The following GPC6 variants were observed in gnomAD, a reference collection of about 807,000 sequenced individuals.
The protein encoded by GPC6 is glypican 6.
Under a neutral mutation model 55.2 loss-of-function variants are expected in GPC6, and 14 were observed. The observed-to-expected ratio is 0.25, with a 90% CI of 0.17 to 0.40. GPC6 has a LOEUF of 0.40. Ranked by LOEUF, GPC6 falls within the 10% of genes least tolerant of loss-of-function variation. The pLI is 1.00. For missense variants in GPC6, 641 were observed against 708.5 expected, an observed-to-expected ratio of 0.90 and a Z score of 1.08; for synonymous variants, 278 against 259.6, an observed-to-expected ratio of 1.07 and a Z score of -0.68.
chr13:93,873,758 A>G (rs1008567210), intron 3 of GPC6, among the ~76,000 whole-genome samples: 3 of 151,938 alleles, frequency 2.0e-5, no homozygotes, highest in African/African-American at 4.8e-5. Flanking sequence ...TCAGATTTCA[A>G]CCCTTCATGA....
At chr13:93,621,169 C>A (rs1389235611) in intron 2 of GPC6, among the ~76,000 whole-genome samples, 1 of 151,902 alleles carries the variant, frequency 6.6e-6, no homozygotes, top group Non-Finnish European at 1.5e-5. Context: ...ACTCAAGAGC[C>A]AGGTTGCCAG....
chr13:93,246,875 A>G (rs1282544776), intron 1 of GPC6, among the ~76,000 whole-genome samples: 1 of 148,094 alleles, frequency 6.8e-6, no homozygotes, highest in Non-Finnish European at 1.5e-5. Context: ...TTTTTCCTGG[A>G]AAAAAAAAAT....
Position 94,027,778 on chromosome 13 carries a change from G to C in GPC6, c.761G>C (p.Cys254Ser). ...CGTGCCCTCATGAAGATGCTGTACT[G>C]CCCATACTGTCGGGGGCTTCCCACT... The part of the protein sequence containing the change: ...CIRALMKMLY[C>S]PYCRGLPTVR... Residue 254 changes from cysteine (C) to serine (S), a missense_variant, in exon 4 of 9, where the codon TGC (cysteine) becomes TCC (serine). Coordinates refer to ENST00000377047, the MANE Select transcript of GPC6 (RefSeq NM_005708.5). 3 of 1,614,000 alleles carry C rather than the reference G, an allele frequency of 1.9e-6. No individual in the cohort carries two copies. The highest frequency in any genetic ancestry group is 2.5e-6 in the Non-Finnish European group (3 of 1,179,970).
At chr13:93,338,966 A>T (rs1335287249) in intron 1 of GPC6, among the ~76,000 whole-genome samples, 1 of 152,170 alleles carries the variant, frequency 6.6e-6, no homozygotes, top group African/African-American at 2.4e-5. Context: ...GCTGTTTTTT[A>T]GAGCTTAAAA....
chr13:94,196,524 C>G (rs904843558), intron 4 of GPC6, among the ~76,000 whole-genome samples: 7 of 152,182 alleles, frequency 4.6e-5, no homozygotes, highest in African/African-American at 1.7e-4. Context: ...TTCAGACTCT[C>G]AACACTGACC....
At chr13:94,002,285 T>C (rs1026794302) in intron 3 of GPC6, among the ~76,000 whole-genome samples, 1 of 152,110 alleles carries the variant, frequency 6.6e-6, no homozygotes, top group Non-Finnish European at 1.5e-5. Flanking sequence ...TGCTGCCGTG[T>C]CGGTCAATAC....
intron 1 of GPC6, among the ~76,000 whole-genome samples, chr13:93,393,863 C>T (rs1320023658): frequency 9.3e-6 from 1 of 107,316 alleles, no homozygotes; most frequent in Non-Finnish European, 2.5e-5. Context: ...AGAAAGTCAA[C>T]ATTAATTTTT....
intron 2 of GPC6, among the ~76,000 whole-genome samples, chr13:93,647,815 C>G (rs563283047): frequency 6.6e-6 from 1 of 152,308 alleles, no homozygotes; most frequent in South Asian, 2.1e-4. Flanking sequence ...GGACCCATAG[C>G]CTGGCTCTCT....
At chr13:93,678,011 C>T (rs1405082220) in intron 2 of GPC6, among the ~76,000 whole-genome samples, 1 of 152,118 alleles carries the variant, frequency 6.6e-6, no homozygotes, top group Non-Finnish European at 1.5e-5. Flanking sequence ...ATCTTTCCCA[C>T]CTATGGTCAA....
intron 3 of GPC6, among the ~76,000 whole-genome samples, chr13:93,866,511 A>G (rs1275929150): frequency 6.6e-6 from 1 of 151,866 alleles, no homozygotes; most frequent in African/African-American, 2.4e-5. Context: ...AACATGGTAC[A>G]TATATACCAT....
chr13:94,118,765 T>G (rs1331324463), intron 4 of GPC6, among the ~76,000 whole-genome samples: 2 of 152,146 alleles, frequency 1.3e-5, no homozygotes, highest in Admixed American at 6.6e-5. Context: ...TGAGAAAATT[T>G]CCTGTCTCTA....
intron 3 of GPC6, among the ~76,000 whole-genome samples, chr13:93,885,813 A>G (rs1875289719): frequency 6.6e-6 from 1 of 152,192 alleles, no homozygotes; most frequent in Admixed American, 6.6e-5. Context: ...TAAATTTCAG[A>G]TACAGATCTT....
chr13:93,660,977 T>C (rs1175221258), intron 2 of GPC6, among the ~76,000 whole-genome samples: 1 of 152,190 alleles, frequency 6.6e-6, no homozygotes, highest in South Asian at 2.1e-4. Flanking sequence ...GGAGGAAATA[T>C]AGAGCACAGT....
chr13:94,313,668 T>C (rs926518603), intron 6 of GPC6, among the ~76,000 whole-genome samples: 3 of 152,190 alleles, frequency 2.0e-5, no homozygotes, highest in African/African-American at 7.2e-5. Context: ...CAACATGTTT[T>C]GGAAGGGGAA....
chr13:93,676,122 AAAAAATATATATATAT>A (rs1481691007), intron 2 of GPC6, among the ~76,000 whole-genome samples: 45 of 12,078 alleles, frequency 3.7e-3, no homozygotes, highest in Non-Finnish European at 8.1e-3. Context: ...AAAAAAAAAA[AAAAAATATATATATAT>A]ATATATATAT....
chr13:93,598,995 T>A (rs539178661), intron 2 of GPC6, among the ~76,000 whole-genome samples: 5 of 152,344 alleles, frequency 3.3e-5, no homozygotes, highest in African/African-American at 1.2e-4. Context: ...TTGCAACAGT[T>A]CTACTCTTCA....
chr13:93,789,333 G>A (rs1161124007), intron 2 of GPC6, among the ~76,000 whole-genome samples: 1 of 151,386 alleles, frequency 6.6e-6, no homozygotes, highest in Non-Finnish European at 1.5e-5. Context: ...GTATATACCT[G>A]ATCCTACACC....
chr13:93,510,335 A>T (rs938822456), intron 1 of GPC6, among the ~76,000 whole-genome samples: 2 of 151,948 alleles, frequency 1.3e-5, no homozygotes, highest in Non-Finnish European at 1.5e-5. Flanking sequence ...CAGCCTTCTC[A>T]GTCTCTGTTA....
At chr13:93,254,871 A>G (rs1307599780) in intron 1 of GPC6, among the ~76,000 whole-genome samples, 1 of 152,226 alleles carries the variant, frequency 6.6e-6, no homozygotes, top group East Asian at 1.9e-4. Context: ...TAAGTTGTAA[A>G]ATATGTTTTG....
Sources: gnomAD v4.1 joint callset for allele counts (sites outside exome capture counted in the v4.1 genomes callset) on GRCh38, gnomAD v4.1.1 for gene constraint, MANE v1.5 for transcripts, NCBI Gene and HGNC (gene_info 2026-07-23, HGNC 2026-07-21) for gene names.